The following RNF138 variants were observed in gnomAD, a reference collection of about 807,000 sequenced individuals.
The protein encoded by RNF138 is ring finger protein 138.
In RNF138, 12 loss-of-function variants were observed where a neutral mutation model predicts 31.0. That is an observed-to-expected ratio of 0.39 (90% CI 0.25 to 0.63). The LOEUF (loss-of-function observed/expected upper bound fraction) is 0.63, where lower values mean the gene tolerates loss of function less well. RNF138 is among the 20% of genes least tolerant of loss of function. RNF138 has a pLI of 0.52. For missense variants in RNF138, 192 were observed against 300.1 expected (o/e 0.64, Z 2.66); for synonymous variants, 105 against 99.5 (o/e 1.06, Z -0.33).
At chr18:32,120,692 G>A (rs528703156) in intron 4 of RNF138, among the ~76,000 whole-genome samples, 10 of 152,256 alleles carry the variant, frequency 6.6e-5, no homozygotes, top group African/African-American at 2.2e-4. Flanking sequence ...CAGTAATAGT[G>A]GAAAATTGAG....
chr18:32,106,256 A>G lies in RNF138; in HGVS notation c.111-5498A>G, dbSNP rs564403075. On this transcript the variant is annotated intron_variant, in intron 2 of 7. Coordinates refer to ENST00000261593, the MANE Select transcript of RNF138 (RefSeq NM_016271.5). ...TGGTCTATTCCAACCATTTTTTTCCATAAGCCCTATAAGTTTTAGTGTGCG... is the reference window on the plus strand; with the variant it reads ...TGGTCTATTCCAACCATTTTTTTCCGTAAGCCCTATAAGTTTTAGTGTGCG... Among the ~76,000 whole-genome samples the G allele has an allele frequency of 5.9e-5, 9 of 152,284 alleles. 1 individual carries two copies. The South Asian group carries it at 1.9e-3, about 32-fold the overall frequency.
intron 4 of RNF138, among the ~76,000 whole-genome samples, chr18:32,118,689 C>T (rs1042894488): frequency 6.6e-6 from 1 of 151,714 alleles, no homozygotes; most frequent in African/African-American, 2.4e-5. Context: ...ATTAGCTGGG[C>T]GTGGTGGTGC....
chr18:32,097,462 T>A (rs2039829854), intron 2 of RNF138, among the ~76,000 whole-genome samples: 1 of 152,210 alleles, frequency 6.6e-6, no homozygotes, highest in African/African-American at 2.4e-5. Flanking sequence ...TTACTTTTTT[T>A]AATCCTTAAT....
chr18:32,099,025 C>G (rs1278214965), intron 2 of RNF138, among the ~76,000 whole-genome samples: 1 of 151,136 alleles, frequency 6.6e-6, no homozygotes, highest in Non-Finnish European at 1.5e-5. Flanking sequence ...AAATTGGGAG[C>G]ATGATGAGTG....
Position 32,124,802 on chromosome 18 carries a change from T to G in RNF138, c.518T>G (p.Leu173Arg). Residue 173 changes from leucine (L) to arginine (R), a missense_variant, in exon 6 of 8, where the codon CTG (leucine) becomes CGG (arginine). Physicochemically the swap from Leu to Arg is moderately radical, Grantham distance 102. Around this residue, in one of 2 missense-constraint regions of RNF138, gnomAD observed 140 missense variants for 251.7 expected, o/e 0.56. Transcript: ENST00000261593. ...TCAAATTTTACCAGACAGCGTTTAC[T>G]GGATCACTGTAACAGTAATCACCTA... is the stretch of plus-strand genomic sequence containing the variant. Reference protein sequence around the residue: ...QESNFTRQRLLDHCNSNHLFQ... With the variant: ...QESNFTRQRLRDHCNSNHLFQ... 1.2e-6 allele frequency: 2 copies of G among 1,601,208 alleles called. No individual in the cohort carries two copies. Among genetic ancestry groups the G allele is most frequent in the Non-Finnish European group, 1.7e-6 (2 of 1,168,294 alleles).
chr18:32,113,767 A>G lies in RNF138; in HGVS notation c.299A>G (p.His100Arg), dbSNP rs2040171171. 4 of 1,480,726 alleles carry G rather than the reference A, an allele frequency of 2.7e-6. No individual in the cohort carries two copies. Among genetic ancestry groups the G allele is most frequent in the Non-Finnish European group, 3.6e-6 (4 of 1,096,070 alleles). The allele number at this position is 1,480,726 out of a possible 1,614,324, so 91.7% of individuals were successfully genotyped here. ...CAGATTAAATTCTATCGCATGAGACATCATTACAAATCTTGTAAGAAGTAT... is the reference window on the plus strand; with the variant it reads ...CAGATTAAATTCTATCGCATGAGACGTCATTACAAATCTTGTAAGAAGTAT... ...AKQIKFYRMRHHYKSCKKYQD... is the reference protein window; with the variant it reads ...AKQIKFYRMRRHYKSCKKYQD... Residue 100 changes from histidine to arginine, a missense_variant, in exon 4 of 8, where the codon CAT becomes CGT. This residue lies in a region of RNF138 where 140 missense variants were observed against 251.7 expected (regional missense o/e 0.56). Coordinates refer to ENST00000261593, the MANE Select transcript of RNF138 (RefSeq NM_016271.5).
intron 4 of RNF138, among the ~76,000 whole-genome samples, chr18:32,118,912 T>A (rs2040259788): frequency 6.6e-6 from 1 of 152,254 alleles, no homozygotes; most frequent in Admixed American, 6.5e-5. Context: ...TGGCTGGTTT[T>A]GTATGGTGTC....
rs58774714 is a variant in RNF138 at position 32,107,116 on chromosome 18, CTTTTTTTTTTTTT to C, written c.111-4629_111-4617del. On this transcript the variant is annotated intron_variant, in intron 2 of 7. Transcript: ENST00000261593. The stretch of plus-strand genomic sequence containing the variant: ...TGGTTAAATTCACTTTCCTTTTTTC[CTTTTTTTTTTTTT>C]TTTTTTTTGGAGACGGAATCTCGCT... Among the ~76,000 whole-genome samples the C allele has an allele frequency of 8.9e-5, 9 of 100,596 alleles. No homozygotes were observed. In the South Asian group the frequency reaches 9.3e-4, roughly 10 times the overall value. 66.0% of individuals were successfully genotyped at this position (100,596 alleles called of 152,430 possible).
At chr18:32,103,647 A>G (rs1267458293) in intron 2 of RNF138, among the ~76,000 whole-genome samples, 4 of 152,116 alleles carry the variant, frequency 2.6e-5, no homozygotes, top group Non-Finnish European at 5.9e-5. Flanking sequence ...ATTTTTTTAG[A>G]CAAGAGTACA....
chr18:32,123,290 GCAGT>G (rs964747646), intron 4 of RNF138, among the ~76,000 whole-genome samples: 4 of 152,096 alleles, frequency 2.6e-5, no homozygotes, highest in East Asian at 1.9e-4. Flanking sequence ...AATCTAGTAA[GCAGT>G]CAATTTATTT....
chr18:32,111,766 A>G lies in RNF138; in HGVS notation c.123A>G (p.Lys41=). 1 of 1,611,498 alleles carries G rather than the reference A, an allele frequency of 6.2e-7. No homozygotes were observed. Among genetic ancestry groups the G allele is most frequent in the Non-Finnish European group, 8.5e-7 (1 of 1,179,490 alleles). Residue 41 remains lysine, a synonymous_variant, in exon 3 of 8, where the codon AAA becomes AAG. Transcript: ENST00000261593. ...TTACQHVFCR[K]CFLTAMRESG... ...ATGTTTGGTTTAGTTTCTGTAGAAA[A>G]TGTTTCCTGACTGCAATGAGGGAAA...
At chr18:32,100,407 C>T (rs2039909798) in intron 2 of RNF138, among the ~76,000 whole-genome samples, 2 of 151,534 alleles carry the variant, frequency 1.3e-5, no homozygotes, top group Non-Finnish European at 2.9e-5. Context: ...CTCAAGTAAT[C>T]CCCCTTTAGC....
intron 5 of RNF138, chr18:32,123,911 C>T (rs947588129): frequency 1.2e-5 from 2 of 160,684 alleles, no homozygotes; most frequent in African/African-American, 2.4e-5. Flanking sequence ...CCTTGGCCTC[C>T]CAAAGTGCTG....
chr18:32,126,371 G>A (rs1314702651), intron 6 of RNF138, among the ~76,000 whole-genome samples: 2 of 152,128 alleles, frequency 1.3e-5, no homozygotes, highest in Non-Finnish European at 2.9e-5. Flanking sequence ...ATAATATATT[G>A]GATATGTTGC....
At chr18:32,093,033 C>T (rs1427711138) in intron 2 of RNF138, 147 bp downstream of exon 2, 6 of 471,966 alleles carry the variant, frequency 1.3e-5, no homozygotes, top group South Asian at 3.7e-5. Flanking sequence ...CGTTCCCCGC[C>T]CCTCAGAGTC....
At position 32,123,572 on chromosome 18, in the gene RNF138, A is replaced by G. The variant is rs1197603905; in HGVS notation, c.447A>G (p.Thr149=). ...SDNTETYQEN[T]SSSGHPTFKC... Reference sequence around the variant, plus strand: ...ACACAGAAACTTACCAAGAGAATACAAGGTAAGCTTTTGAAAAATCCTGCC... The same window carrying G: ...ACACAGAAACTTACCAAGAGAATACGAGGTAAGCTTTTGAAAAATCCTGCC... Residue 149 remains threonine (T), a splice_region_variant and synonymous_variant, in exon 5 of 8, where the codon ACA becomes ACG. Coordinates refer to ENST00000261593, the MANE Select transcript of RNF138 (RefSeq NM_016271.5). 5 of 1,582,750 alleles carry G rather than the reference A, an allele frequency of 3.2e-6. No homozygotes were observed. The highest frequency in any genetic ancestry group is 4.3e-6 in the Non-Finnish European group (5 of 1,164,100).
chr18:32,106,755 A>G (rs2040036348), intron 2 of RNF138, among the ~76,000 whole-genome samples: 1 of 151,922 alleles, frequency 6.6e-6, no homozygotes, highest in Non-Finnish European at 1.5e-5. Context: ...TAGTAGAGAC[A>G]GGGTTTCACC....
At chr18:32,098,278 T>C (rs994550320) in intron 2 of RNF138, among the ~76,000 whole-genome samples, 2 of 152,128 alleles carry the variant, frequency 1.3e-5, no homozygotes, top group East Asian at 3.9e-4. Flanking sequence ...AGTGCTAGGA[T>C]TACAGGTGTG....
At chr18:32,101,161 C>A (rs1235893139) in intron 2 of RNF138, among the ~76,000 whole-genome samples, 2 of 150,672 alleles carry the variant, frequency 1.3e-5, no homozygotes, top group African/African-American at 4.9e-5. Flanking sequence ...ACATGCAGGG[C>A]TTTGTATTTG....
Sources: allele counts gnomAD v4.1 joint callset (sites outside exome capture counted in the v4.1 genomes callset), GRCh38; gene constraint gnomAD v4.1.1; regional missense constraint gnomAD v4.1.1; transcripts MANE v1.5; gene names NCBI Gene and HGNC (gene_info 2026-07-23, HGNC 2026-07-21).